Variants in GNG2 observed in about 807,000 individuals in gnomAD.
GNG2 encodes the protein guanine nucleotide-binding protein G(I)/G(S)/G(O) subunit gamma-2.
Under a neutral mutation model 5.5 loss-of-function variants are expected in GNG2, and 5 were observed. That is an observed-to-expected ratio of 0.91 (90% confidence interval 0.48 to 1.92). The LOEUF (loss-of-function observed/expected upper bound fraction) is 1.92. Ranked by LOEUF, GNG2 falls within the 30% of genes most tolerant of loss-of-function variation. GNG2 has a pLI of 0.01. For synonymous variants in GNG2, 28 were observed against 32.0 expected (o/e 0.88, Z 0.42); for missense variants, 55 against 88.4 (o/e 0.62, Z 1.52).
intron 2 of GNG2, among the ~76,000 whole-genome samples, chr14:51,930,878 C>T (rs986908725): frequency 3.3e-5 from 5 of 152,176 alleles, no homozygotes; most frequent in Non-Finnish European, 5.9e-5. Context: ...GGAGGCCCCA[C>T]ACTCTTTTAA....
chr14:51,847,385 G>A (rs1179670527), intron 2 of GNG2: 2 of 152,316 alleles, frequency 1.3e-5, no homozygotes, highest in Non-Finnish European at 2.9e-5. Context: ...GCAGGTAACC[G>A]ACGTTGTGTA....
At chr14:51,919,319 G>C (rs1886869850) in intron 2 of GNG2, among the ~76,000 whole-genome samples, 1 of 152,152 alleles carries the variant, frequency 6.6e-6, no homozygotes, top group Admixed American at 6.5e-5. Context: ...ATGCAATAAT[G>C]TGAAAACAAG....
At chr14:51,946,547 G>A (rs1225698601) in intron 2 of GNG2, among the ~76,000 whole-genome samples, 2 of 152,106 alleles carry the variant, frequency 1.3e-5, no homozygotes, top group African/African-American at 4.8e-5. Flanking sequence ...TTCAGAGACG[G>A]GTGTAAATGG....
chr14:51,850,283 G>C (rs1881845217), intron 2 of GNG2, among the ~76,000 whole-genome samples: 1 of 151,978 alleles, frequency 6.6e-6, no homozygotes, highest in Non-Finnish European at 1.5e-5. Context: ...CTCTTATGTG[G>C]CTGTTAAAAT....
intron 2 of GNG2, 42 bp from the exon 3 acceptor site, chr14:51,950,608 A>G (rs951492316): frequency 3.2e-6 from 4 of 1,247,290 alleles, no homozygotes; most frequent in Non-Finnish European, 4.6e-6. Flanking sequence ...TTGCTGGCTC[A>G]TGAATTCTCT....
At chr14:51,930,617 G>A (rs987159808) in intron 2 of GNG2, among the ~76,000 whole-genome samples, 3 of 152,140 alleles carry the variant, frequency 2.0e-5, no homozygotes, top group Admixed American at 6.5e-5. Context: ...CCTTGAAGGC[G>A]ACCTTTCACT....
At chr14:51,957,959 G>A (rs1889367078) in intron 3 of GNG2, among the ~76,000 whole-genome samples, 1 of 152,148 alleles carries the variant, frequency 6.6e-6, no homozygotes, top group Non-Finnish European at 1.5e-5. Flanking sequence ...ATCTCAAATT[G>A]TTACTGACTG....
At chr14:51,893,170 A>T (rs1458634275) in intron 2 of GNG2, among the ~76,000 whole-genome samples, 1 of 152,158 alleles carries the variant, frequency 6.6e-6, no homozygotes, top group African/African-American at 2.4e-5. Context: ...GGTCTCTTAC[A>T]TTTTAATATA....
intron 2 of GNG2, among the ~76,000 whole-genome samples, chr14:51,929,609 A>C (rs1412027745): frequency 3.9e-5 from 6 of 152,258 alleles, no homozygotes; most frequent in Non-Finnish European, 8.8e-5. Flanking sequence ...GGGGTTAATG[A>C]ATAGACAAGT....
At chr14:51,842,096 T>C (rs1411815677) in intron 2 of GNG2, among the ~76,000 whole-genome samples, 2 of 152,180 alleles carry the variant, frequency 1.3e-5, no homozygotes. Flanking sequence ...TTATTTGCTC[T>C]ATCCTGACCT....
At chr14:51,845,955 C>G (rs925161096) in intron 2 of GNG2, among the ~76,000 whole-genome samples, 2 of 152,186 alleles carry the variant, frequency 1.3e-5, no homozygotes, top group Non-Finnish European at 2.9e-5. Context: ...CTCGACATCA[C>G]TGCTCCAGCA....
At chr14:51,935,469 A>G (rs1006092472) in intron 2 of GNG2, among the ~76,000 whole-genome samples, 1 of 152,166 alleles carries the variant, frequency 6.6e-6, no homozygotes, top group African/African-American at 2.4e-5. Context: ...GAGTTTCTCT[A>G]GTAGTGACCC....
At chr14:51,859,428 G>A (rs1882317568), upstream of GNG2, among the ~76,000 whole-genome samples, 1 of 152,190 alleles carries the variant, frequency 6.6e-6, no homozygotes, top group Non-Finnish European at 1.5e-5. Context: ...CCAAGTACTG[G>A]TGAGGGTTCG....
In GNG2 at chr14:51,902,360, A is replaced by G. The variant is rs149052385; in HGVS notation, c.-30+24703A>G. Among the ~76,000 whole-genome samples, 5 of 152,366 alleles carry G rather than the reference A, an allele frequency of 3.3e-5. No homozygotes were observed. The East Asian group carries it at 9.6e-4, about 29-fold the overall frequency. On this transcript the variant is annotated intron_variant, in intron 2 of 3. Transcript: ENST00000556766. Reference sequence around the variant, plus strand: ...AAGCCTCCTATAAGCAGATAGTTGAATTTTAACAGGCAGTTTGTATAAAAG... The same window carrying G: ...AAGCCTCCTATAAGCAGATAGTTGAGTTTTAACAGGCAGTTTGTATAAAAG...
At chr14:51,897,475 G>T (rs76713692) in intron 2 of GNG2, among the ~76,000 whole-genome samples, 1 of 152,298 alleles carries the variant, frequency 6.6e-6, no homozygotes, top group East Asian at 1.9e-4. Context: ...AAATGAAGAA[G>T]TGTCACTTGG....
intron 2 of GNG2, among the ~76,000 whole-genome samples, chr14:51,878,674 A>G (rs1368896438): frequency 6.6e-6 from 1 of 152,114 alleles, no homozygotes; most frequent in Non-Finnish European, 1.5e-5. Context: ...ATTTTCCTCA[A>G]CTCATATTTA....
intron 1 of GNG2, among the ~76,000 whole-genome samples, chr14:51,862,199 A>G (rs1382622139): frequency 1.3e-5 from 2 of 148,798 alleles, no homozygotes; most frequent in East Asian, 3.9e-4. Flanking sequence ...GCTACTAAAG[A>G]AAAAAAAAGT....
At chr14:51,830,285 T>A (rs925800422) in intron 2 of GNG2, among the ~76,000 whole-genome samples, 1 of 152,234 alleles carries the variant, frequency 6.6e-6, no homozygotes, top group African/African-American at 2.4e-5. Context: ...CTGGAGTGCC[T>A]CAGAACTCAG....
Position 51,872,240 on chromosome 14 carries a change from T to C in GNG2, c.-70-5377T>C, listed in dbSNP as rs535356009. On this transcript the variant is annotated intron_variant, in intron 1 of 3. Coordinates refer to ENST00000556766, the MANE Select transcript of GNG2 (RefSeq NM_053064.5). Reference sequence around the variant, plus strand: ...AAACTCTCTGGTTTTCCCTTCAAACTCTAGAGAAAAAATATATTCTTGGTT... The same window carrying C: ...AAACTCTCTGGTTTTCCCTTCAAACCCTAGAGAAAAAATATATTCTTGGTT... 3.3e-5 allele frequency among the ~76,000 whole-genome samples: 5 copies of C among 152,224 alleles called. No individual in the cohort carries two copies. The East Asian group carries it at 9.6e-4, about 29-fold the overall frequency.
Sources: gnomAD v4.1 joint callset for allele counts (sites outside exome capture counted in the v4.1 genomes callset) on GRCh38, gnomAD v4.1.1 for gene constraint, MANE v1.5 for transcripts, NCBI Gene and HGNC (gene_info 2026-07-23, HGNC 2026-07-21) for gene names.